PSME4: variants seen among roughly 807,000 people sequenced by gnomAD.
PSME4 encodes proteasome activator subunit 4, also known as proteasome activator complex subunit 4.
In PSME4, 89 loss-of-function variants were observed where a neutral mutation model predicts 253.9. The ratio of observed to expected loss-of-function variants is 0.35; its 90% CI spans 0.30 to 0.42. The LOEUF (loss-of-function observed/expected upper bound fraction) is 0.42, where lower values mean the gene tolerates loss of function less well. PSME4 is among the 10% of genes least tolerant of loss of function. The pLI, the probability that PSME4 is intolerant of heterozygous loss-of-function variation, is 1.00. For synonymous variants in PSME4, 851 were observed against 759.2 expected (o/e 1.12, Z -1.99); for missense variants, 2,014 against 2,195.2 (o/e 0.92, Z 1.65).
chr2:53,893,108 A>G (rs770471216), intron 35 of PSME4, 148 bp from the exon 36 acceptor site: 171 of 579,724 alleles, frequency 2.9e-4, no homozygotes, highest in Non-Finnish European at 4.3e-4. Context: ...CGGTAAGTTA[A>G]AATAGTAAGA....
At chr2:53,905,441 CTG>C (rs1253214294) in intron 26 of PSME4, among the ~76,000 whole-genome samples, 1 of 152,158 alleles carries the variant, frequency 6.6e-6, no homozygotes, top group Non-Finnish European at 1.5e-5. Flanking sequence ...TGGCTCACAC[CTG>C]TAATCCCAAT....
At chr2:53,948,612 G>T (rs1573357971) in intron 2 of PSME4, 75 bp from the exon 3 acceptor site, 1 of 942,028 alleles carries the variant, frequency 1.1e-6, no homozygotes. Context: ...ATACTACACA[G>T]GGACAGTTAA....
chr2:53,947,045 G>C (rs932350973), intron 3 of PSME4, among the ~76,000 whole-genome samples: 1 of 152,212 alleles, frequency 6.6e-6, no homozygotes, highest in Non-Finnish European at 1.5e-5. Context: ...TGGTTGAAAT[G>C]AGTTTCCTTG....
intron 36 of PSME4, among the ~76,000 whole-genome samples, chr2:53,891,102 A>G (rs970631582): frequency 3.3e-5 from 5 of 152,260 alleles, no homozygotes; most frequent in Non-Finnish European, 7.3e-5. Context: ...CGCTAGGCTG[A>G]AACAAAACCT....
intron 41 of PSME4, among the ~76,000 whole-genome samples, chr2:53,876,716 C>CCTTTTTTT (rs1679141647): frequency 1.0e-5 from 1 of 97,832 alleles, no homozygotes; most frequent in Admixed American, 1.3e-4. Flanking sequence ...CACTGTCATT[C>CCTTTTTTT]TTTTTTTTTT....
At chr2:53,898,107 G>C in intron 30 of PSME4, 108 bp from the exon 31 acceptor site, 1 of 1,359,580 alleles carries the variant, frequency 7.4e-7, no homozygotes, top group African/African-American at 1.5e-5. Context: ...AATTAAAATA[G>C]GTCTAGTGAA....
intron 44 of PSME4, among the ~76,000 whole-genome samples, chr2:53,867,555 G>C (rs1418620884): frequency 6.8e-6 from 1 of 146,982 alleles, no homozygotes; most frequent in Non-Finnish European, 1.5e-5. Flanking sequence ...TGTGGTTCCA[G>C]CTAGACAAGA....
intron 1 of PSME4, among the ~76,000 whole-genome samples, chr2:53,955,607 T>C (rs1670194056): frequency 6.6e-6 from 1 of 152,068 alleles, no homozygotes; most frequent in African/African-American, 2.4e-5. Flanking sequence ...TAAATAAAAA[T>C]ACATAATCAT....
At chr2:53,878,484 T>G (rs1271015781) in intron 41 of PSME4, among the ~76,000 whole-genome samples, 2 of 152,222 alleles carry the variant, frequency 1.3e-5, no homozygotes, top group African/African-American at 2.4e-5. Flanking sequence ...GACCTTAAAC[T>G]CTGGCTGCCT....
At chr2:53,879,599 A>T (rs1679285728) in intron 41 of PSME4, among the ~76,000 whole-genome samples, 1 of 152,182 alleles carries the variant, frequency 6.6e-6, no homozygotes, top group South Asian at 2.1e-4. Context: ...GTTAAATAAA[A>T]TCTTAGTAAT....
chr2:53,924,776 A>G (rs1407033656), intron 14 of PSME4, among the ~76,000 whole-genome samples: 1 of 152,126 alleles, frequency 6.6e-6, no homozygotes, highest in African/African-American at 2.4e-5. Flanking sequence ...CCCCTGCGAC[A>G]GTTGTTTCTT....
At chr2:53,966,060 CG>C (rs778422299) in intron 1 of PSME4, among the ~76,000 whole-genome samples, 2 of 151,938 alleles carry the variant, frequency 1.3e-5, no homozygotes, top group South Asian at 4.1e-4. Context: ...AGATCTTGGG[CG>C]GATCATTTGG....
At chr2:53,916,188 A>G (rs971224367) in intron 20 of PSME4, among the ~76,000 whole-genome samples, 1 of 144,238 alleles carries the variant, frequency 6.9e-6, no homozygotes, top group Non-Finnish European at 1.5e-5. Context: ...TGGAGGTCGC[A>G]GTGAGCTGAG....
At chr2:53,934,978 G>A (rs1398454865) in intron 7 of PSME4, among the ~76,000 whole-genome samples, 2 of 152,140 alleles carry the variant, frequency 1.3e-5, no homozygotes, top group African/African-American at 4.8e-5. Flanking sequence ...TGTATCCAAA[G>A]AACAGACAAA....
chr2:53,915,262 G>A (rs554475841), intron 20 of PSME4, among the ~76,000 whole-genome samples: 2 of 152,138 alleles, frequency 1.3e-5, no homozygotes, highest in East Asian at 1.9e-4. Flanking sequence ...GCAACAAAGC[G>A]AAATCCTATC....
intron 43 of PSME4, chr2:53,870,186 T>TA (rs1468590403): frequency 6.6e-6 from 1 of 152,216 alleles, no homozygotes; most frequent in Non-Finnish European, 1.5e-5. Context: ...ATGATAATTT[T>TA]AAAAAACAGA....
In PSME4 at chr2:53,928,090, G is replaced by A. The variant is rs530855629; in HGVS notation, c.1503+27C>T. 311 of 1,550,706 alleles carry A rather than the reference G, an allele frequency of 2.0e-4. 3 individuals carry two copies. In the South Asian group the frequency reaches 3.1e-3, roughly 16 times the overall value. ...TTTACTTTGCCTCCTACCTAAATACGGAGTGTATAATCACCAATATACTCA... is the reference window on the plus strand; with the variant it reads ...TTTACTTTGCCTCCTACCTAAATACAGAGTGTATAATCACCAATATACTCA... On this transcript the variant is annotated intron_variant, in intron 11 of 46. Transcript: ENST00000404125.
Position 53,893,761 on chromosome 2 carries a change from T to C in PSME4, c.3951A>G (p.Lys1317=). The C allele has an allele frequency of 1.2e-6, 2 of 1,610,702 alleles. No individual in the cohort carries two copies. The highest frequency in any genetic ancestry group is 1.7e-6 in the Non-Finnish European group (2 of 1,178,266). The change falls in exon 35 of 47, where the codon AAA becomes AAG. Residue 1317 remains lysine, a synonymous_variant. Coordinates refer to ENST00000404125, the MANE Select transcript of PSME4 (RefSeq NM_014614.3). The part of the protein sequence containing the change: ...QIIFDHFSDP[K]FVEQLITFLS... ...GAAAAGTAATTAACTGCTCAACAAA[T>C]TTAGGATCAGAAAAATGATCAAATA...
intron 17 of PSME4, 62 bp downstream of exon 17, chr2:53,922,455 A>C: frequency 6.4e-7 from 1 of 1,550,770 alleles, no homozygotes. Flanking sequence ...AGAAAGAGCT[A>C]AATCCTAAAA....
Sources: gnomAD v4.1 joint callset for allele counts (sites outside exome capture counted in the v4.1 genomes callset) on GRCh38, gnomAD v4.1.1 for gene constraint, MANE v1.5 for transcripts, NCBI Gene and HGNC (gene_info 2026-07-23, HGNC 2026-07-21) for gene names.